The following FSTL4 variants were observed in gnomAD, a reference collection of about 807,000 sequenced individuals.
FSTL4 encodes follistatin-related protein 4.
A neutral mutation model predicts 78.2 loss-of-function variants in FSTL4; 28 were observed. The ratio of observed to expected loss-of-function variants is 0.36; its 90% CI spans 0.27 to 0.49. The LOEUF (loss-of-function observed/expected upper bound fraction) is 0.49, where lower values mean the gene tolerates loss of function less well. Ranked by LOEUF, FSTL4 falls within the 20% of genes least tolerant of loss-of-function variation. The probability of loss-of-function intolerance (pLI) is 0.98; values close to 1 mark genes in which losing one functional copy is unlikely to be tolerated. For synonymous variants in FSTL4, 422 were observed against 440.5 expected, an observed-to-expected ratio of 0.96 and a Z score of 0.53; for missense variants, 922 against 1,084.9, an observed-to-expected ratio of 0.85 and a Z score of 2.11.
At chr5:133,561,685 C>A (rs546148929) in intron 3 of FSTL4, among the ~76,000 whole-genome samples, 1 of 152,240 alleles carries the variant, frequency 6.6e-6, no homozygotes, top group Non-Finnish European at 1.5e-5. Flanking sequence ...CAGGCTTCAG[C>A]CAGCACAAGT....
chr5:133,634,043 A>G, the FSTL4 span, among the ~76,000 whole-genome samples: 1 of 152,250 alleles, frequency 6.6e-6, no homozygotes, highest in South Asian at 2.1e-4. Context: ...CCAAGGGACA[A>G]GTAGTGGTGG....
intron 2 of FSTL4, among the ~76,000 whole-genome samples, chr5:133,579,368 T>C (rs1298863933): frequency 1.3e-5 from 2 of 152,216 alleles, no homozygotes; most frequent in Non-Finnish European, 2.9e-5. Context: ...GCTCTATTTT[T>C]CCTTTTGTAG....
At chr5:133,281,672 G>A (rs974369724) in intron 6 of FSTL4, among the ~76,000 whole-genome samples, 2 of 152,146 alleles carry the variant, frequency 1.3e-5, no homozygotes, top group African/African-American at 4.8e-5. Context: ...CCAGGGAGGG[G>A]TTTTCTTTTC....
the FSTL4 span, among the ~76,000 whole-genome samples, chr5:133,694,948 C>T: frequency 6.6e-6 from 1 of 152,162 alleles, no homozygotes; most frequent in South Asian, 2.1e-4. Flanking sequence ...ATACCATCAG[C>T]TTGGGGGTTA....
At chr5:133,602,272 A>G (rs1760886486) in intron 2 of FSTL4, among the ~76,000 whole-genome samples, 2 of 152,154 alleles carry the variant, frequency 1.3e-5, no homozygotes, top group African/African-American at 2.4e-5. Context: ...GGGGAGCAAG[A>G]TAACAACCCC....
At chr5:133,765,810 C>T in the FSTL4 span, among the ~76,000 whole-genome samples, 2 of 152,120 alleles carry the variant, frequency 1.3e-5, no homozygotes, top group East Asian at 3.8e-4. Context: ...TAAGATTATG[C>T]CATTACCCTG....
intron 6 of FSTL4, among the ~76,000 whole-genome samples, chr5:133,305,594 T>C (rs529980438): frequency 6.6e-6 from 1 of 152,316 alleles, no homozygotes; most frequent in South Asian, 2.1e-4. Flanking sequence ...TTGGGTCATC[T>C]TTCTGCCTCT....
At chr5:133,773,902 G>A in the FSTL4 span, among the ~76,000 whole-genome samples, 536 of 152,250 alleles carry the variant, frequency 3.5e-3, 5 homozygotes, top group African/African-American at 0.013. Flanking sequence ...AAGGGTAGAC[G>A]GGATAGTGAT....
intron 3 of FSTL4, among the ~76,000 whole-genome samples, chr5:133,521,997 G>T (rs568679528): frequency 6.6e-6 from 1 of 152,306 alleles, no homozygotes; most frequent in South Asian, 2.1e-4. Flanking sequence ...AGCTCTCTAA[G>T]TGCCAAAGAT....
chr5:133,285,963 C>T (rs760602697), intron 6 of FSTL4, among the ~76,000 whole-genome samples: 4 of 152,246 alleles, frequency 2.6e-5, no homozygotes, highest in Non-Finnish European at 5.9e-5. Flanking sequence ...GGTGGCCCCA[C>T]CTGCCAGGGC....
intron 4 of FSTL4, among the ~76,000 whole-genome samples, chr5:133,341,327 T>C (rs370064609): frequency 2.7e-5 from 4 of 150,616 alleles, no homozygotes; most frequent in Non-Finnish European, 2.9e-5. Context: ...ACATGCACAT[T>C]AACTAGTTAA....
chr5:133,571,034 G>C (rs1427194305), intron 2 of FSTL4, among the ~76,000 whole-genome samples: 1 of 151,842 alleles, frequency 6.6e-6, no homozygotes, highest in African/African-American at 2.4e-5. Flanking sequence ...TGAGTTATAT[G>C]ATTATGCCTG....
the FSTL4 span, among the ~76,000 whole-genome samples, chr5:133,714,619 C>G: frequency 3.3e-5 from 5 of 152,228 alleles, no homozygotes; most frequent in Admixed American, 6.5e-5. Flanking sequence ...TTCTGCCAAG[C>G]TGTGATGAGT....
At chr5:133,427,351 A>G (rs1756842129) in intron 3 of FSTL4, among the ~76,000 whole-genome samples, 1 of 152,230 alleles carries the variant, frequency 6.6e-6, no homozygotes, top group African/African-American at 2.4e-5. Context: ...GAATGAACCC[A>G]GGGGCCTGAG....
Position 133,329,163 on chromosome 5 carries a change from G to C in FSTL4, c.410-12511C>G, listed in dbSNP as rs1352200637. On this transcript the variant is annotated intron_variant, in intron 4 of 15. Transcript: ENST00000265342. ...CCACATGGACTCATCGCACATGCAA[G>C]GAGTCTCTATAAACGGTCTCAACAA... 2.6e-5 allele frequency among the ~76,000 whole-genome samples: 4 copies of C among 152,194 alleles called. No homozygotes were observed. In the South Asian group the frequency reaches 8.3e-4, roughly 32 times the overall value.
At chr5:133,819,905 T>TC in the FSTL4 span, among the ~76,000 whole-genome samples, 4 of 152,116 alleles carry the variant, frequency 2.6e-5, no homozygotes, top group Non-Finnish European at 5.9e-5. Context: ...CTGCGTTTAG[T>TC]CCTCACAGCA....
At chr5:133,355,772 G>C (rs762892265) in intron 4 of FSTL4, among the ~76,000 whole-genome samples, 1 of 152,228 alleles carries the variant, frequency 6.6e-6, no homozygotes, top group Non-Finnish European at 1.5e-5. Context: ...TAATGGCCAA[G>C]AAGGGGTTTC....
chr5:133,648,946 A>G, the FSTL4 span, among the ~76,000 whole-genome samples: 2 of 152,320 alleles, frequency 1.3e-5, no homozygotes, highest in East Asian at 3.9e-4. Flanking sequence ...AGACAAATGT[A>G]AAATGACATG....
chr5:133,685,564 C>G, the FSTL4 span, among the ~76,000 whole-genome samples: 4 of 152,334 alleles, frequency 2.6e-5, no homozygotes, highest in East Asian at 5.8e-4. Context: ...GGGATGCTCA[C>G]CCCTGTGGCT....
Sources: allele counts gnomAD v4.1 joint callset (sites outside exome capture counted in the v4.1 genomes callset), GRCh38; gene constraint gnomAD v4.1.1; transcripts MANE v1.5; gene names NCBI Gene and HGNC (gene_info 2026-07-23, HGNC 2026-07-21).